Variants in CNTNAP2 observed in about 807,000 individuals in gnomAD.
CNTNAP2 encodes the protein contactin associated protein 2.
A neutral mutation model predicts 155.2 loss-of-function variants in CNTNAP2; 98 were observed. That is an observed-to-expected ratio of 0.63 (90% confidence interval 0.54 to 0.75). The LOEUF (loss-of-function observed/expected upper bound fraction) is 0.75, where lower values mean the gene tolerates loss of function less well. Ranked by LOEUF, CNTNAP2 falls within the 30% of genes least tolerant of loss-of-function variation. The probability of loss-of-function intolerance (pLI) is 0.00; values close to 1 mark genes in which losing one functional copy is unlikely to be tolerated. For missense variants in CNTNAP2, 1,727 were observed against 1,688.1 expected (o/e 1.02, Z -0.40); for synonymous variants, 651 against 631.2 (o/e 1.03, Z -0.47).
intron 14 of CNTNAP2, among the ~76,000 whole-genome samples, chr7:147,963,005 C>T (rs1801138822): frequency 6.6e-6 from 1 of 151,578 alleles, no homozygotes; most frequent in Non-Finnish European, 1.5e-5. Flanking sequence ...GGTTAATTCA[C>T]AGTGCGAAGT....
intron 1 of CNTNAP2, among the ~76,000 whole-genome samples, chr7:146,462,867 A>C (rs999673620): frequency 6.6e-6 from 1 of 152,188 alleles, no homozygotes; most frequent in Non-Finnish European, 1.5e-5. Context: ...CTTTCTGAAT[A>C]GTCCAGAAAT....
intron 10 of CNTNAP2, among the ~76,000 whole-genome samples, chr7:147,417,007 T>C (rs1222968908): frequency 6.6e-6 from 1 of 151,370 alleles, no homozygotes; most frequent in Non-Finnish European, 1.5e-5. Context: ...CAGAATTGCT[T>C]GAACCCAAGA....
chr7:147,227,151 T>C (rs1803565797), intron 8 of CNTNAP2, among the ~76,000 whole-genome samples: 1 of 152,144 alleles, frequency 6.6e-6, no homozygotes, highest in Non-Finnish European at 1.5e-5. Flanking sequence ...AGGAGGTTAT[T>C]CATGGTGAAA....
chr7:146,592,183 G>T (rs977921630), intron 1 of CNTNAP2, among the ~76,000 whole-genome samples: 1 of 152,132 alleles, frequency 6.6e-6, no homozygotes, highest in Non-Finnish European at 1.5e-5. Context: ...CTGTGGCTTG[G>T]TAGCCTCCCA....
intron 15 of CNTNAP2, among the ~76,000 whole-genome samples, chr7:148,113,503 G>T (rs1168046549): frequency 6.6e-6 from 1 of 152,204 alleles, no homozygotes; most frequent in Admixed American, 6.5e-5. Flanking sequence ...TGGGAACACA[G>T]ATTTAAACCA....
intron 1 of CNTNAP2, among the ~76,000 whole-genome samples, chr7:146,203,034 T>G (rs1798890759): frequency 6.6e-6 from 1 of 152,228 alleles, no homozygotes; most frequent in South Asian, 2.1e-4. Flanking sequence ...TCTGTGTTGC[T>G]TTGTTTTCGT....
chr7:147,783,922 C>G (rs1797694896), intron 13 of CNTNAP2, among the ~76,000 whole-genome samples: 1 of 152,156 alleles, frequency 6.6e-6, no homozygotes, highest in Non-Finnish European at 1.5e-5. Context: ...TTGCAAGCCA[C>G]CCAGTTTATG....
At chr7:147,145,408 G>A (rs10249466) in intron 8 of CNTNAP2, among the ~76,000 whole-genome samples, 3,510 of 152,134 alleles carry the variant, frequency 0.023, 99 homozygotes, top group African/African-American at 0.071. Flanking sequence ...ATCCTGCAAA[G>A]CACAGGACAA....
chr7:147,623,940 A>G (rs1285621399), intron 12 of CNTNAP2, among the ~76,000 whole-genome samples: 1 of 147,858 alleles, frequency 6.8e-6, no homozygotes, highest in African/African-American at 2.4e-5. Flanking sequence ...AACAGAATGT[A>G]TAACCCAGAA....
chr7:147,166,935 A>G (rs947462467), intron 8 of CNTNAP2, among the ~76,000 whole-genome samples: 1 of 152,200 alleles, frequency 6.6e-6, no homozygotes, highest in Admixed American at 6.5e-5. Context: ...AAAATAAAAC[A>G]AAATCTGAAA....
At chr7:146,435,174 G>A (rs1386754332) in intron 1 of CNTNAP2, among the ~76,000 whole-genome samples, 1 of 152,130 alleles carries the variant, frequency 6.6e-6, no homozygotes, top group Non-Finnish European at 1.5e-5. Context: ...AGTGGGATGA[G>A]TATATAAAAT....
chr7:147,942,658 C>A (rs117277208), intron 14 of CNTNAP2, among the ~76,000 whole-genome samples: 2 of 152,266 alleles, frequency 1.3e-5, no homozygotes, highest in East Asian at 3.9e-4. Flanking sequence ...AATAATCCTA[C>A]TACTGTCCTG....
At chr7:146,712,201 AT>A (rs1437672376) in intron 1 of CNTNAP2, among the ~76,000 whole-genome samples, 1 of 116,756 alleles carries the variant, frequency 8.6e-6, no homozygotes, top group African/African-American at 3.3e-5. Flanking sequence ...GTATACAAAT[AT>A]GTATACATAT....
intron 11 of CNTNAP2, among the ~76,000 whole-genome samples, chr7:147,525,789 CTCTT>C (rs1359082302): frequency 6.6e-5 from 10 of 152,136 alleles, no homozygotes; most frequent in Non-Finnish European, 5.9e-5. Context: ...AATATTATGA[CTCTT>C]TCATATTCCG....
At chr7:148,355,173 T>TTTTTTC (rs1798491142) in intron 21 of CNTNAP2, among the ~76,000 whole-genome samples, 2 of 93,990 alleles carry the variant, frequency 2.1e-5, no homozygotes, top group Non-Finnish European at 4.2e-5. Context: ...CTGCTTTTTT[T>TTTTTTC]TTTTTTTTTT....
intron 3 of CNTNAP2, among the ~76,000 whole-genome samples, chr7:146,948,095 T>C (rs1313490551): frequency 6.6e-6 from 1 of 152,234 alleles, no homozygotes; most frequent in Non-Finnish European, 1.5e-5. Flanking sequence ...GGTATTCATA[T>C]AAGTTACTAC....
At chr7:147,302,795 A>G (rs914246303) in intron 9 of CNTNAP2, among the ~76,000 whole-genome samples, 13 of 152,240 alleles carry the variant, frequency 8.5e-5, no homozygotes, top group Non-Finnish European at 1.6e-4. Flanking sequence ...CTACTCTCCT[A>G]TAGCTTTGCC....
intron 22 of CNTNAP2, among the ~76,000 whole-genome samples, chr7:148,386,227 T>G (rs1453828598): frequency 6.6e-6 from 1 of 152,130 alleles, no homozygotes; most frequent in Non-Finnish European, 1.5e-5. Context: ...ATTATACCAA[T>G]TACAAGGACA....
At chr7:146,919,287 T>C (rs930265831) in intron 3 of CNTNAP2, among the ~76,000 whole-genome samples, 14 of 152,204 alleles carry the variant, frequency 9.2e-5, no homozygotes, top group Non-Finnish European at 1.8e-4. Context: ...AGAATTGTTT[T>C]CTGGTTCATT....
Sources: gnomAD v4.1 joint callset for allele counts (sites outside exome capture counted in the v4.1 genomes callset) on GRCh38, gnomAD v4.1.1 for gene constraint, MANE v1.5 for transcripts, NCBI Gene and HGNC (gene_info 2026-07-23, HGNC 2026-07-21) for gene names.